The following PLCB1 variants were observed in gnomAD, a reference collection of about 807,000 sequenced individuals.
PLCB1 encodes the protein 1-phosphatidylinositol 4,5-bisphosphate phosphodiesterase beta-1.
PLCB1 carries 46 observed loss-of-function variants against 161.8 expected under a neutral mutation model. The observed-to-expected ratio is 0.28, with a 90% CI of 0.22 to 0.36. PLCB1 has a LOEUF of 0.36. Among genes scored for constraint, PLCB1 ranks in the 10% least tolerant of loss-of-function variants. The pLI, the probability that PLCB1 is intolerant of heterozygous loss-of-function variation, is 1.00. For synonymous variants in PLCB1, 517 were observed against 503.7 expected, an observed-to-expected ratio of 1.03 and a Z score of -0.35; for missense variants, 1,016 against 1,472.5, an observed-to-expected ratio of 0.69 and a Z score of 5.07.
rs572188080 is a variant in PLCB1 at position 8,694,384 on chromosome 20, G to A, written c.1010-3242G>A. On this transcript the variant is annotated intron_variant, in intron 10 of 31. Coordinates refer to ENST00000338037, the MANE Select transcript of PLCB1 (RefSeq NM_015192.4). The stretch of plus-strand genomic sequence containing the variant: ...AATGAGTTTACCTTGGAGGGATTCT[G>A]TTGGTCTTAGGTGGACAATAAACTC... Among the ~76,000 whole-genome samples the A allele has an allele frequency of 2.8e-4, 43 of 152,248 alleles. No homozygotes were observed. The South Asian group carries it at 5.0e-3, about 18-fold the overall frequency.
At chr20:8,650,523 C>T (rs144196663) in intron 7 of PLCB1, among the ~76,000 whole-genome samples, 7 of 152,072 alleles carry the variant, frequency 4.6e-5, no homozygotes, top group Non-Finnish European at 7.4e-5. Flanking sequence ...CCCTGCTCTG[C>T]GGGAACAGGC....
At chr20:8,565,512 T>A (rs1014789132) in intron 3 of PLCB1, among the ~76,000 whole-genome samples, 4 of 151,150 alleles carry the variant, frequency 2.6e-5, no homozygotes, top group Non-Finnish European at 5.9e-5. Flanking sequence ...TTATTATACT[T>A]TAAATATAAT....
intron 3 of PLCB1, among the ~76,000 whole-genome samples, chr20:8,603,246 C>T (rs2123147896): frequency 6.6e-6 from 1 of 152,038 alleles, no homozygotes; most frequent in East Asian, 1.9e-4. Flanking sequence ...CTGAATGGCA[C>T]CTATAACTAA....
At chr20:8,643,914 C>T in intron 4 of PLCB1, among the ~76,000 whole-genome samples, 1 of 152,194 alleles carries the variant, frequency 6.6e-6, no homozygotes, top group Non-Finnish European at 1.5e-5. Flanking sequence ...CCTGCCTCAG[C>T]CTGCCCAGTG....
intron 2 of PLCB1, among the ~76,000 whole-genome samples, chr20:8,272,692 T>C (rs1982344081): frequency 6.6e-6 from 1 of 152,178 alleles, no homozygotes; most frequent in Non-Finnish European, 1.5e-5. Context: ...TTGGAAATGC[T>C]AAGGAAATGT....
intron 31 of PLCB1, among the ~76,000 whole-genome samples, chr20:8,868,272 A>G (rs1398962055): frequency 6.6e-6 from 1 of 152,226 alleles, no homozygotes; most frequent in Non-Finnish European, 1.5e-5. Context: ...AGACACAAAG[A>G]AAAGCCTGTG....
At chr20:8,390,724 A>G (rs1448615918) in intron 3 of PLCB1, among the ~76,000 whole-genome samples, 1 of 152,108 alleles carries the variant, frequency 6.6e-6, no homozygotes, top group Non-Finnish European at 1.5e-5. Context: ...ATCAGCACTA[A>G]TTTCTGCATG....
At chr20:8,693,661 A>G (rs1990528134) in intron 10 of PLCB1, among the ~76,000 whole-genome samples, 1 of 152,240 alleles carries the variant, frequency 6.6e-6, no homozygotes, top group Non-Finnish European at 1.5e-5. Context: ...GACAATAATG[A>G]TAAATATGAA....
intron 3 of PLCB1, among the ~76,000 whole-genome samples, chr20:8,422,275 A>G (rs1480681006): frequency 6.6e-6 from 1 of 152,230 alleles, no homozygotes; most frequent in African/African-American, 2.4e-5. Flanking sequence ...CAGATGCACA[A>G]AAAAGAGCAG....
At chr20:8,260,949 G>T (rs1981658597) in intron 2 of PLCB1, among the ~76,000 whole-genome samples, 1 of 152,118 alleles carries the variant, frequency 6.6e-6, no homozygotes, top group Non-Finnish European at 1.5e-5. Flanking sequence ...GACTGCCCAT[G>T]GTCAGCGACC....
intron 3 of PLCB1, among the ~76,000 whole-genome samples, chr20:8,504,651 C>G (rs1983559110): frequency 6.6e-6 from 1 of 152,050 alleles, no homozygotes; most frequent in Non-Finnish European, 1.5e-5. Context: ...TCTGACCTCA[C>G]CCTAAAAACA....
chr20:8,274,581 G>A (rs1982438374), intron 2 of PLCB1, among the ~76,000 whole-genome samples: 1 of 151,300 alleles, frequency 6.6e-6, no homozygotes, highest in South Asian at 2.1e-4. Flanking sequence ...TAAGATCAAT[G>A]TTCTCCTGCC....
intron 3 of PLCB1, among the ~76,000 whole-genome samples, chr20:8,500,002 T>C (rs1983338356): frequency 6.6e-6 from 1 of 152,196 alleles, no homozygotes; most frequent in Non-Finnish European, 1.5e-5. Flanking sequence ...AAAGTCATGA[T>C]GTAAGGAATT....
At chr20:8,863,357 T>C (rs1019013838) in intron 31 of PLCB1, among the ~76,000 whole-genome samples, 1 of 152,226 alleles carries the variant, frequency 6.6e-6, no homozygotes, top group Admixed American at 6.5e-5. Flanking sequence ...TGGCAAGACT[T>C]AGCCATTAAA....
At chr20:8,785,945 G>T (rs1224594002) in intron 27 of PLCB1, among the ~76,000 whole-genome samples, 1 of 152,130 alleles carries the variant, frequency 6.6e-6, no homozygotes, top group Non-Finnish European at 1.5e-5. Flanking sequence ...CTTGTAGAAT[G>T]AGGGAGGGTC....
At chr20:8,773,472 CCTT>C (rs942093790) in intron 26 of PLCB1, among the ~76,000 whole-genome samples, 1 of 152,224 alleles carries the variant, frequency 6.6e-6, no homozygotes, top group Non-Finnish European at 1.5e-5. Context: ...TTCACCCTAA[CCTT>C]CTAAATATTT....
At position 8,698,607 on chromosome 20, in the gene PLCB1, C is replaced by G. The variant is rs182539271; in HGVS notation, c.1167+824C>G. The stretch of plus-strand genomic sequence containing the variant: ...TATGGTCAAGTTGGGTTTGTTTGCT[C>G]ATACAACAAAGGAGAACACATGTTG... On this transcript the variant is annotated intron_variant, in intron 11 of 31. Transcript: ENST00000338037. Among the ~76,000 whole-genome samples, 42 of 152,212 alleles carry G rather than the reference C, an allele frequency of 2.8e-4. 1 individual carries two copies. Among genetic ancestry groups the G allele is most frequent in the African/African-American group, 9.9e-4 (41 of 41,524 alleles).
chr20:8,143,313 T>C (rs890987179), intron 1 of PLCB1, among the ~76,000 whole-genome samples: 2 of 152,206 alleles, frequency 1.3e-5, no homozygotes, highest in African/African-American at 2.4e-5. Context: ...ATCATGGCTG[T>C]GGGCAACATG....
intron 2 of PLCB1, among the ~76,000 whole-genome samples, chr20:8,166,612 T>C (rs75100800): frequency 0.015 from 2,229 of 152,260 alleles, 56 homozygotes; most frequent in African/African-American, 0.05. Context: ...ATTTCCAAGA[T>C]TGGTATCATG....
Sources: allele counts gnomAD v4.1 joint callset (sites outside exome capture counted in the v4.1 genomes callset), GRCh38; gene constraint gnomAD v4.1.1; transcripts MANE v1.5; gene names NCBI Gene and HGNC (gene_info 2026-07-23, HGNC 2026-07-21).